Variants in HSP90AA1 observed in about 807,000 individuals in gnomAD.
The protein encoded by HSP90AA1 is heat shock protein HSP 90-alpha.
A neutral mutation model predicts 73.3 loss-of-function variants in HSP90AA1; 18 were observed. That is an observed-to-expected ratio of 0.25 (90% CI 0.17 to 0.36). The LOEUF is 0.36. Ranked by LOEUF, HSP90AA1 falls within the 10% of genes least tolerant of loss-of-function variation. HSP90AA1 has a pLI of 1.00. For synonymous variants in HSP90AA1, 477 were observed against 296.9 expected (o/e 1.61, Z -6.24); for missense variants, 704 against 874.2 (o/e 0.81, Z 2.45).
rs552391376 is a variant in HSP90AA1, at chr14:102,082,190, C to T, written c.2010G>A (p.Ala670=). 18 of 1,613,802 alleles carry T rather than the reference C, an allele frequency of 1.1e-5. No homozygotes were observed. The highest frequency in any genetic ancestry group is 4.4e-5 in the South Asian group (4 of 91,076). ...KDLVILLYET[A]LLSSGFSLED... ...CCAGACTGAAGCCAGAAGACAGGAG[C>T]GCAGTTTCATAAAGCAAGATGACCA... Residue 670 remains alanine, a synonymous_variant, in exon 10 of 11, where the codon GCG becomes GCA. Coordinates refer to ENST00000216281, the MANE Select transcript of HSP90AA1 (RefSeq NM_005348.4).
At chr14:102,087,780 T>C (rs377507189), upstream of HSP90AA1, among the ~76,000 whole-genome samples, 1 of 152,160 alleles carries the variant, frequency 6.6e-6, no homozygotes, top group South Asian at 2.1e-4. Context: ...TACTTAAGGG[T>C]CCCTTAGCTT....
At chr14:102,087,379 C>T (rs2049271982), upstream of HSP90AA1, among the ~76,000 whole-genome samples, 1 of 151,610 alleles carries the variant, frequency 6.6e-6, no homozygotes, top group Admixed American at 6.6e-5. Flanking sequence ...CGCCCTGCAC[C>T]CCCACCTGCC....
At chr14:102,126,578 GCA>G in intron 1 of HSP90AA1, among the ~76,000 whole-genome samples, 1 of 151,818 alleles carries the variant, frequency 6.6e-6, no homozygotes, top group Non-Finnish European at 1.5e-5. Context: ...AGGCTGGAGT[GCA>G]GTGGCGCAAC....
Position 102,086,903 on chromosome 14 carries a change from C to T in HSP90AA1, c.-1+83G>A, listed in dbSNP as rs540544864. On this transcript the variant is annotated intron_variant, in intron 1 of 10. Transcript: ENST00000216281. ...TGGCTGCTTCAGGGATCTGGTCCGG[C>T]CCCCACAGCCTCCGCCCCGCGCCAG... The T allele has an allele frequency of 4.4e-3, 3,561 of 805,200 alleles. 9 individuals are homozygous for T. The highest frequency in any genetic ancestry group is 5.1e-3 in the Non-Finnish European group (3,402 of 665,134). The allele number at this position is 805,200 out of a possible 1,614,324, so 49.9% of individuals were successfully genotyped here.
intron 1 of HSP90AA1, among the ~76,000 whole-genome samples, chr14:102,134,149 CA>C (rs111867119): frequency 0.89 from 124,372 of 138,998 alleles, 55,598 homozygotes; most frequent in East Asian, 0.98. Context: ...AGACCTGTCT[CA>C]AAAAAAAAAA....
chr14:102,083,464 G>T, intron 8 of HSP90AA1, 82 bp downstream of exon 8: 1 of 1,447,658 alleles, frequency 6.9e-7, no homozygotes, highest in Non-Finnish European at 9.7e-7. Flanking sequence ...TTGTAACAGT[G>T]CTACCTGAGT....
Position 102,086,341 on chromosome 14 carries a change from T to C in HSP90AA1, c.38A>G (p.Glu13Gly). The C allele has an allele frequency of 1.2e-6, 2 of 1,614,128 alleles. No individual in the cohort carries two copies. Among genetic ancestry groups the C allele is most frequent in the Non-Finnish European group, 8.5e-7 (1 of 1,180,016 alleles). Residue 13 changes from glutamate to glycine, a missense_variant, in exon 2 of 11, where the codon GAG (glutamate) becomes GGG (glycine). Coordinates refer to ENST00000216281, the MANE Select transcript of HSP90AA1 (RefSeq NM_005348.4). Reference sequence around the variant, plus strand: ...GGCGAACGTCTCAACCTCCTCCTCCTCCATCGGTTGGTCTTGGGTCTGGGT... The same window carrying C: ...GGCGAACGTCTCAACCTCCTCCTCCCCCATCGGTTGGTCTTGGGTCTGGGT... Reference protein sequence around the residue: ...EETQTQDQPMEEEEVETFAFQ... With the variant: ...EETQTQDQPMGEEEVETFAFQ...
intron 1 of HSP90AA1, among the ~76,000 whole-genome samples, chr14:102,122,048 T>C (rs1228129072): frequency 6.6e-6 from 1 of 152,072 alleles, no homozygotes; most frequent in African/African-American, 2.4e-5. Context: ...AATATATTTA[T>C]TCAAGTCATT....
At chr14:102,117,864 C>G (rs755665993) in intron 1 of HSP90AA1, among the ~76,000 whole-genome samples, 112 of 152,188 alleles carry the variant, frequency 7.4e-4, no homozygotes, top group Non-Finnish European at 1.4e-3. Flanking sequence ...TTTTGAGTCT[C>G]TCTTTGGGGC....
At chr14:102,085,622 A>AT (rs1196139940) in intron 3 of HSP90AA1, 136 bp downstream of exon 3, 42 of 1,384,944 alleles carry the variant, frequency 3.0e-5, no homozygotes, top group Non-Finnish European at 4.0e-5. Context: ...CATTACACTA[A>AT]TTAAGTGCTC....
rs150338078 is a variant in HSP90AA1 at position 102,105,024 on chromosome 14, T to C, written c.156-2939A>G. Among the ~76,000 whole-genome samples the C allele has an allele frequency of 8.0e-3, 1,079 of 134,564 alleles. 49 individuals are homozygous for C. The East Asian group carries it at 0.14, about 17-fold the overall frequency. 88.3% of individuals were successfully genotyped at this position (134,564 alleles called of 152,430 possible). A position where few individuals can be genotyped will look rare whatever the true frequency, so the allele number is the denominator to read the frequency against. ...CCATACTGCCTAACATGGTGAAACC[T>C]CATCTCTACTAAAAAAAAAAAAAAA... On this transcript the variant is annotated intron_variant, in intron 1 of 11. Coordinates refer to the HSP90AA1 transcript ENST00000334701.
chr14:102,085,613 A>ACC (rs2049210376), intron 3 of HSP90AA1, 145 bp downstream of exon 3: 1 of 1,325,332 alleles, frequency 7.5e-7, no homozygotes, highest in Non-Finnish European at 1.1e-6. Context: ...AAGTCATGCC[A>ACC]TTACACTAAT....
At chr14:102,108,684 T>G (rs1011103058) in intron 1 of HSP90AA1, among the ~76,000 whole-genome samples, 2 of 151,700 alleles carry the variant, frequency 1.3e-5, no homozygotes, top group African/African-American at 4.9e-5. Flanking sequence ...TACAGGTGCC[T>G]GCCACCACAC....
intron 1 of HSP90AA1, among the ~76,000 whole-genome samples, chr14:102,133,906 T>G (rs2049942297): frequency 6.6e-6 from 1 of 151,886 alleles, no homozygotes; most frequent in Non-Finnish European, 1.5e-5. Flanking sequence ...TGCCTTGAAT[T>G]TTGGGAGGCA....
At chr14:102,102,159 G>T in intron 1 of HSP90AA1, 1 of 1,286,608 alleles carries the variant, frequency 7.8e-7, no homozygotes, top group Non-Finnish European at 1.1e-6. Flanking sequence ...GGATGAACTT[G>T]GACAGCCCCA....
At chr14:102,113,328 T>G (rs1257988739) in intron 1 of HSP90AA1, among the ~76,000 whole-genome samples, 1 of 148,682 alleles carries the variant, frequency 6.7e-6, no homozygotes, top group African/African-American at 2.5e-5. Flanking sequence ...CCGGCTTGCT[T>G]GCTTGCTTGC....
chr14:102,113,561 T>C (rs1012666250), intron 1 of HSP90AA1, among the ~76,000 whole-genome samples: 1 of 151,452 alleles, frequency 6.6e-6, no homozygotes, highest in African/African-American at 2.4e-5. Flanking sequence ...AATTTTTGTA[T>C]TTTTAGTGGA....
At position 102,087,031 on chromosome 14, in the gene HSP90AA1, ACG is replaced by A; in HGVS notation, c.-48_-47del. ...GGACCAACGGCACAGCCACACCGGG[ACG>A]CTGAAGCAACTGACGCGCCACCCCC... On this transcript the variant is annotated 5_prime_UTR_variant, in exon 1 of 11. Transcript: ENST00000216281. 1.0e-6 allele frequency: 1 copy of A among 985,156 alleles called. No individual in the cohort carries two copies. Among genetic ancestry groups the A allele is most frequent in the Middle Eastern group, 5.2e-4 (1 of 1,912 alleles). 61.0% of individuals were successfully genotyped at this position (985,156 alleles called of 1,614,324 possible).
chr14:102,084,336 A>G (rs1037938779), intron 6 of HSP90AA1, 63 bp downstream of exon 6: 1 of 1,489,824 alleles, frequency 6.7e-7, no homozygotes, highest in Non-Finnish European at 9.4e-7. Flanking sequence ...GTGAGCCACC[A>G]TGCCCACCCA....
Sources: gnomAD v4.1 joint callset for allele counts (sites outside exome capture counted in the v4.1 genomes callset) on GRCh38, gnomAD v4.1.1 for gene constraint, MANE v1.5 for transcripts, NCBI Gene and HGNC (gene_info 2026-07-23, HGNC 2026-07-21) for gene names.